Variants in CTBP1 observed in about 807,000 individuals in gnomAD.
CTBP1 encodes the protein C-terminal-binding protein 1.
CTBP1 carries 11 observed loss-of-function variants against 42.1 expected under a neutral mutation model. The ratio of observed to expected loss-of-function variants is 0.26; its 90% CI spans 0.16 to 0.43. The LOEUF (loss-of-function observed/expected upper bound fraction) is 0.43, where lower values mean the gene tolerates loss of function less well. Among genes scored for constraint, CTBP1 ranks in the 20% least tolerant of loss-of-function variants. The probability of loss-of-function intolerance (pLI) is 1.00; values close to 1 mark genes in which losing one functional copy is unlikely to be tolerated. For synonymous variants in CTBP1, 324 were observed against 277.1 expected (o/e 1.17, Z -1.68); for missense variants, 399 against 624.3 (o/e 0.64, Z 3.85).
At position 1,241,723 on chromosome 4, in the gene CTBP1, G is replaced by A. The variant is rs1732197176; in HGVS notation, c.-188-204C>T. 1.2e-5 allele frequency: 15 copies of A among 1,210,902 alleles called. No homozygotes were observed. In the South Asian group the frequency reaches 1.4e-4, roughly 11 times the overall value. 75.0% of individuals were successfully genotyped at this position (1,210,902 alleles called of 1,614,324 possible). ...ACACACGAAGGGCGCTCACCCTGAG[G>A]TTGCAGTGCCAGGCCCGAGGCCGCG... On this transcript the variant is annotated intron_variant, in intron 1 of 9. Coordinates refer to ENST00000382952, the MANE Select transcript of CTBP1 (RefSeq NM_001012614.2).
At chr4:1,223,973 G>A (rs1288530477) in intron 5 of CTBP1, among the ~76,000 whole-genome samples, 3 of 152,208 alleles carry the variant, frequency 2.0e-5, no homozygotes, top group East Asian at 1.9e-4. Flanking sequence ...AGAGCGAGGG[G>A]TCGCTGAAAG....
At chr4:1,226,475 G>A (rs892197936) in intron 4 of CTBP1, among the ~76,000 whole-genome samples, 7 of 151,768 alleles carry the variant, frequency 4.6e-5, no homozygotes, top group Admixed American at 2.6e-4. Context: ...GCGCAGGCAG[G>A]GGCTGCATAG....
Position 1,213,287 on chromosome 4 carries a change from G to A in CTBP1, c.988+191C>T, listed in dbSNP as rs545868728. On this transcript the variant is annotated intron_variant, in intron 8 of 9. Coordinates refer to ENST00000382952, the MANE Select transcript of CTBP1 (RefSeq NM_001012614.2). ...GCCCAGCAACTTCCCAGCAGGTCCT[G>A]TGTGTAAGACACGACGCCAGGGCTC... Among the ~76,000 whole-genome samples, 124 of 152,234 alleles carry A rather than the reference G, an allele frequency of 8.1e-4. 2 individuals are homozygous for A. The highest frequency in any genetic ancestry group is 2.9e-3 in the African/African-American group (121 of 41,536).
chr4:1,241,096 C>T (rs1005778191), intron 2 of CTBP1, among the ~76,000 whole-genome samples: 11 of 152,180 alleles, frequency 7.2e-5, no homozygotes, highest in African/African-American at 1.9e-4. Context: ...GCAGATGCCA[C>T]GGACAGGCCT....
intron 1 of CTBP1, chr4:1,243,970 G>A: frequency 2.0e-6 from 2 of 985,226 alleles, no homozygotes; most frequent in South Asian, 4.7e-5. Flanking sequence ...AGAGCACATG[G>A]AAGCTTGTGC....
At chr4:1,232,463 C>G in intron 3 of CTBP1, among the ~76,000 whole-genome samples, 1 of 152,046 alleles carries the variant, frequency 6.6e-6, no homozygotes, top group Non-Finnish European at 1.5e-5. Context: ...AGGCGCGCAC[C>G]ACCACGCGTG....
intron 5 of CTBP1, chr4:1,217,163 G>A (rs939978032): frequency 1.6e-4 from 25 of 152,362 alleles, no homozygotes; most frequent in Non-Finnish European, 5.9e-5. Flanking sequence ...AGACCGCCAG[G>A]CACACAGGGT....
chr4:1,221,593 G>A (rs1047702405), intron 5 of CTBP1: 1 of 203,162 alleles, frequency 4.9e-6, no homozygotes, highest in Non-Finnish European at 1.0e-5. Flanking sequence ...AAACACAGGT[G>A]AGACCCAGAG....
intron 5 of CTBP1, chr4:1,223,381 C>G (rs576450417): frequency 2.2e-6 from 1 of 452,738 alleles, no homozygotes; most frequent in African/African-American, 2.0e-5. Flanking sequence ...GAGACAGGCA[C>G]GTGTTCCATG....
chr4:1,243,283 C>T (rs1249788844), intron 1 of CTBP1: 5 of 985,294 alleles, frequency 5.1e-6, no homozygotes, highest in Non-Finnish European at 6.0e-6. Context: ...TGTGTGAAGG[C>T]CACCCTGGCC....
At chr4:1,237,626 GCTC>G in intron 3 of CTBP1, 1 of 624,384 alleles carries the variant, frequency 1.6e-6, no homozygotes, top group Non-Finnish European at 2.9e-6. Flanking sequence ...TCCTGATGGG[GCTC>G]AGGACAAACC....
At chr4:1,245,207 G>C in intron 1 of CTBP1, 1 of 985,442 alleles carries the variant, frequency 1.0e-6, no homozygotes, top group Non-Finnish European at 1.2e-6. Flanking sequence ...CACTCCACGG[G>C]GCCTGCAGGG....
At chr4:1,242,200 G>A in intron 1 of CTBP1, 2 of 985,428 alleles carry the variant, frequency 2.0e-6, no homozygotes, top group Non-Finnish European at 2.4e-6. Context: ...AGGGGCAGGG[G>A]GCCCCTGAGA....
chr4:1,224,266 CGTGT>C (rs370442230), intron 5 of CTBP1, among the ~76,000 whole-genome samples: 5 of 152,090 alleles, frequency 3.3e-5, no homozygotes, highest in South Asian at 2.1e-4. Context: ...ATGTGATACC[CGTGT>C]GTGTGTGCTG....
At position 1,216,185 on chromosome 4, in the gene CTBP1, C is replaced by T. The variant is rs765065949; in HGVS notation, c.535G>A (p.Ala179Thr). Residue 179 changes from alanine (A) to threonine (T), a missense_variant, in exon 6 of 10, where the codon GCG becomes ACG. By Grantham distance (58) the Ala-to-Thr change is moderately conservative. This residue lies in a region of CTBP1 where 309 missense variants were observed against 497.5 expected (regional missense o/e 0.62). Coordinates refer to ENST00000382952, the MANE Select transcript of CTBP1 (RefSeq NM_001012614.2). ...IGLGRVGQAV[A>T]LRAKAFGFNV... ...AAGCCGAAGGCCTTGGCCCGCAGCG[C>T]CACTGCCTGCCCCACGCGACCTGGT... 2.5e-6 allele frequency: 4 copies of T among 1,610,392 alleles called. No homozygotes were observed. In the South Asian group the frequency reaches 4.4e-5, roughly 18 times the overall value.
chr4:1,237,853 T>C, intron 3 of CTBP1: 1 of 700,042 alleles, frequency 1.4e-6, no homozygotes, highest in East Asian at 2.7e-5. Context: ...GAAAACCCCG[T>C]GTCCACCTCC....
chr4:1,243,197 A>G, intron 1 of CTBP1: 1 of 985,330 alleles, frequency 1.0e-6, no homozygotes, highest in Non-Finnish European at 1.2e-6. Flanking sequence ...GATCATCGAT[A>G]CCCATCAATG....
intron 1 of CTBP1, among the ~76,000 whole-genome samples, chr4:1,247,654 C>G (rs1732858280): frequency 1.3e-5 from 2 of 151,778 alleles, no homozygotes; most frequent in South Asian, 2.1e-4. Context: ...AGGCCACGCG[C>G]TAGGAGCTCA....
chr4:1,243,965 A>T, intron 1 of CTBP1: 2 of 985,286 alleles, frequency 2.0e-6, no homozygotes, highest in Non-Finnish European at 2.4e-6. Context: ...AGTGTAGAGC[A>T]CATGGAAGCT....
Sources: gnomAD v4.1 joint callset for allele counts (sites outside exome capture counted in the v4.1 genomes callset) on GRCh38, gnomAD v4.1.1 for gene constraint, gnomAD v4.1.1 regional missense constraint, MANE v1.5 for transcripts, NCBI Gene and HGNC (gene_info 2026-07-23, HGNC 2026-07-21) for gene names.